Variants in PRKCZ observed in about 807,000 individuals in gnomAD.
PRKCZ encodes protein kinase C zeta, also known as protein kinase C zeta type.
In PRKCZ, 33 loss-of-function variants were observed where a neutral mutation model predicts 79.5. The observed-to-expected ratio is 0.41, with a 90% CI of 0.31 to 0.55. The LOEUF is 0.55. Ranked by LOEUF, PRKCZ falls within the 20% of genes least tolerant of loss-of-function variation. The pLI is 0.19. For missense variants in PRKCZ, 578 were observed against 813.5 expected (o/e 0.71, Z 3.52); for synonymous variants, 342 against 320.9 (o/e 1.07, Z -0.70).
At chr1:2,052,744 G>T (rs1039693602) in intron 1 of PRKCZ, among the ~76,000 whole-genome samples, 2 of 152,208 alleles carry the variant, frequency 1.3e-5, no homozygotes, top group Non-Finnish European at 2.9e-5. Flanking sequence ...GAAAGCGGCT[G>T]CCAGGATGAG....
intron 4 of PRKCZ, among the ~76,000 whole-genome samples, chr1:2,133,265 G>T (rs992717382): frequency 6.7e-6 from 1 of 149,214 alleles, no homozygotes; most frequent in African/African-American, 2.5e-5. Flanking sequence ...CCGTCCCTCG[G>T]CTCCGCCCCA....
At chr1:2,057,121 C>T (rs955442392) in intron 3 of PRKCZ, among the ~76,000 whole-genome samples, 4 of 152,194 alleles carry the variant, frequency 2.6e-5, no homozygotes, top group Admixed American at 1.3e-4. Flanking sequence ...GTAGGGCCCG[C>T]GGCGCATGTG....
intron 4 of PRKCZ, among the ~76,000 whole-genome samples, chr1:2,109,143 G>A (rs763321993): frequency 3.9e-5 from 6 of 152,176 alleles, no homozygotes; most frequent in Admixed American, 1.3e-4. Flanking sequence ...GCAAAGTCCC[G>A]TATGCCACGG....
At chr1:2,051,968 C>T (rs1659705978) in intron 1 of PRKCZ, among the ~76,000 whole-genome samples, 3 of 152,100 alleles carry the variant, frequency 2.0e-5, no homozygotes, top group South Asian at 2.1e-4. Context: ...GGGGACTGAC[C>T]GTCCAGCCCT....
intron 4 of PRKCZ, among the ~76,000 whole-genome samples, chr1:2,092,941 C>T (rs775139802): frequency 2.0e-5 from 3 of 152,202 alleles, no homozygotes; most frequent in Non-Finnish European, 2.9e-5. Flanking sequence ...CATAGAGGGC[C>T]CCAGGCCTCG....
intron 4 of PRKCZ, among the ~76,000 whole-genome samples, chr1:2,119,441 C>G (rs980950082): frequency 6.6e-6 from 1 of 152,122 alleles, no homozygotes; most frequent in Admixed American, 6.5e-5. Flanking sequence ...TATCGAATTC[C>G]TGGCCTCAAG....
At chr1:2,133,381 G>A (rs1272543493) in intron 4 of PRKCZ, among the ~76,000 whole-genome samples, 1 of 145,590 alleles carries the variant, frequency 6.9e-6, no homozygotes, top group Non-Finnish European at 1.5e-5. Context: ...TCGGCTGTGC[G>A]TCTGGCCCTC....
At position 2,149,287 on chromosome 1, in the gene PRKCZ, A is replaced by C. The variant is rs1679360002; in HGVS notation, c.687+363A>C. 6.6e-6 allele frequency among the ~76,000 whole-genome samples: 1 copy of C among 152,200 alleles called. No homozygotes were observed. Among genetic ancestry groups the C allele is most frequent in the Non-Finnish European group, 1.5e-5 (1 of 68,038 alleles). On this transcript the variant is annotated intron_variant, in intron 8 of 17. Transcript: ENST00000378567. The surrounding 1 kb of genome is among the most constrained non-coding windows in gnomAD (Gnocchi z 4.1). ...CATGCCTTCCGAATTGTGTTGCCTCATTTGGCCATCCTGGCAAACCCTCTG... is the reference window on the plus strand; with the variant it reads ...CATGCCTTCCGAATTGTGTTGCCTCCTTTGGCCATCCTGGCAAACCCTCTG...
intron 4 of PRKCZ, among the ~76,000 whole-genome samples, chr1:2,083,115 CCT>C (rs1313402380): frequency 6.6e-6 from 1 of 152,152 alleles, no homozygotes; most frequent in Non-Finnish European, 1.5e-5. Flanking sequence ...TAGCGTTTCC[CCT>C]GTTGCTGGCC....
Position 2,139,204 on chromosome 1 carries a change from CTG to C in PRKCZ, c.420+3859_420+3860del, listed in dbSNP as rs113404605. On this transcript the variant is annotated intron_variant, in intron 5 of 17. Coordinates refer to ENST00000378567, the MANE Select transcript of PRKCZ (RefSeq NM_002744.6). ...GGTGTGAATGGTTAATGAAGTAAGACTGTAATTGTTTAGAGATGAGGACAGCA... is the reference window on the plus strand; with the variant it reads ...GGTGTGAATGGTTAATGAAGTAAGACTAATTGTTTAGAGATGAGGACAGCA... Among the ~76,000 whole-genome samples, 592 of 152,262 alleles carry C rather than the reference CTG, an allele frequency of 3.9e-3. 3 individuals are homozygous for C. Among genetic ancestry groups the C allele is most frequent in the African/African-American group, 0.013 (550 of 41,546 alleles).
chr1:2,176,422 G>T (rs146920717), intron 16 of PRKCZ, among the ~76,000 whole-genome samples: 1 of 152,144 alleles, frequency 6.6e-6, no homozygotes, highest in African/African-American at 2.4e-5. Flanking sequence ...TGTGGGAAGC[G>T]CAGTCTCCAC....
chr1:2,185,257 G>A lies in PRKCZ; in HGVS notation c.*248G>A, dbSNP rs769006667. On this transcript the variant is annotated 3_prime_UTR_variant, in exon 18 of 18. Coordinates refer to ENST00000378567, the MANE Select transcript of PRKCZ (RefSeq NM_002744.6). ...GTGCCTGCGTCGCGGCGGATCCGCGGGGACCCTGCCGAGGGGGCTGTCATG... is the reference window on the plus strand; with the variant it reads ...GTGCCTGCGTCGCGGCGGATCCGCGAGGACCCTGCCGAGGGGGCTGTCATG... 2 of 714,844 alleles carry A rather than the reference G, an allele frequency of 2.8e-6. No homozygotes were observed. The highest frequency in any genetic ancestry group is 3.5e-5 in the African/African-American group (2 of 57,270). 44.3% of individuals were successfully genotyped at this position (714,844 alleles called of 1,614,324 possible).
intron 4 of PRKCZ, chr1:2,074,629 G>A (rs1440535140): frequency 9.6e-6 from 4 of 414,686 alleles, no homozygotes; most frequent in Admixed American, 3.9e-5. Flanking sequence ...CTGAGCCCCC[G>A]TTTTGCATTG....
At chr1:2,054,321 A>G (rs1469045802) in intron 1 of PRKCZ, among the ~76,000 whole-genome samples, 1 of 152,128 alleles carries the variant, frequency 6.6e-6, no homozygotes, top group Non-Finnish European at 1.5e-5. Context: ...TGTGTTCACA[A>G]GGGTGTGATT....
chr1:2,143,525 G>GA, intron 5 of PRKCZ: 1 of 152,270 alleles, frequency 6.6e-6, no homozygotes, highest in Non-Finnish European at 1.5e-5. Flanking sequence ...AGGCAAGGCA[G>GA]AAAATGTCCA....
chr1:2,162,161 T>C (rs1176317328), intron 10 of PRKCZ, among the ~76,000 whole-genome samples: 1 of 152,196 alleles, frequency 6.6e-6, no homozygotes, highest in South Asian at 2.1e-4. Flanking sequence ...AGAAGGGGTC[T>C]TGCTCTGTCA....
intron 10 of PRKCZ, among the ~76,000 whole-genome samples, chr1:2,167,514 T>C (rs569912219): frequency 6.6e-6 from 1 of 152,224 alleles, no homozygotes; most frequent in African/African-American, 2.4e-5. Flanking sequence ...GGGGGACAGG[T>C]GGAAGGGACC....
At chr1:2,099,406 C>T (rs1667078794) in intron 4 of PRKCZ, among the ~76,000 whole-genome samples, 2 of 151,736 alleles carry the variant, frequency 1.3e-5, no homozygotes, top group Non-Finnish European at 2.9e-5. Flanking sequence ...ATGGGCGGAC[C>T]AGTGAAAGCA....
chr1:2,174,921 C>G lies in PRKCZ; in HGVS notation c.1485+88C>G. ...CAGGCACGGCTGTTGGCCATTTTTT[C>G]ATGTCGGCTGCTGTGTATCGGGTGT... On this transcript the variant is annotated intron_variant, in intron 15 of 17. Transcript: ENST00000378567. This position sits in a 1 kb window ranked among gnomAD's most constrained non-coding sequence, Gnocchi z 6.2. 3 of 1,352,622 alleles carry G rather than the reference C, an allele frequency of 2.2e-6. No homozygotes were observed. The highest frequency in any genetic ancestry group is 3.2e-6 in the Non-Finnish European group (3 of 950,450). The allele number at this position is 1,352,622 out of a possible 1,614,324, so 83.8% of individuals were successfully genotyped here. A position where few individuals can be genotyped will look rare whatever the true frequency, so the allele number is the denominator to read the frequency against.
Sources: gnomAD v4.1 joint callset for allele counts (sites outside exome capture counted in the v4.1 genomes callset) on GRCh38, gnomAD v4.1.1 for gene constraint, Gnocchi (gnomAD v3.1) non-coding constraint, MANE v1.5 for transcripts, NCBI Gene and HGNC (gene_info 2026-07-23, HGNC 2026-07-21) for gene names.